ABHD12B: variants seen among roughly 807,000 people sequenced by gnomAD.
ABHD12B encodes abhydrolase domain containing 12B, also known as protein ABHD12B.
ABHD12B carries 42 observed loss-of-function variants against 50.4 expected under a neutral mutation model. The ratio of observed to expected loss-of-function variants is 0.83; its 90% CI spans 0.65 to 1.08. The LOEUF is 1.08. Among genes scored for constraint, ABHD12B ranks in the 50% least tolerant of loss-of-function variants. The pLI, the probability that ABHD12B is intolerant of heterozygous loss-of-function variation, is 0.00. For missense variants in ABHD12B, 479 were observed against 447.7 expected (o/e 1.07, Z -0.63); for synonymous variants, 167 against 160.3 (o/e 1.04, Z -0.32).
At chr14:50,873,213 T>C (rs1292131828) in intron 1 of ABHD12B, among the ~76,000 whole-genome samples, 3 of 151,482 alleles carry the variant, frequency 2.0e-5, no homozygotes, top group Admixed American at 1.3e-4. Flanking sequence ...CTTTTCTCTC[T>C]CTCTCTCTCT....
chr14:50,872,100 G>A lies in ABHD12B; in HGVS notation c.-75G>A, dbSNP rs977310543. On this transcript the variant is annotated 5_prime_UTR_variant, in exon 1 of 13. Coordinates refer to ENST00000337334, the MANE Select transcript of ABHD12B (RefSeq NM_001206673.2). The stretch of plus-strand genomic sequence containing the variant: ...AGGAGGGCGGGCGCGGTGCCGCCGG[G>A]GCGGGAAGGTCGCGGGCGGCTGCTC... 3 of 1,111,620 alleles carry A rather than the reference G, an allele frequency of 2.7e-6. No homozygotes were observed. Among genetic ancestry groups the A allele is most frequent in the Non-Finnish European group, 3.4e-6 (3 of 887,810 alleles). 68.9% of individuals were successfully genotyped at this position (1,111,620 alleles called of 1,614,324 possible).
chr14:50,886,782 C>A, intron 8 of ABHD12B, 98 bp downstream of exon 8: 2 of 1,030,962 alleles, frequency 1.9e-6, no homozygotes, highest in Non-Finnish European at 1.4e-6. Context: ...ATATAGACAC[C>A]AAAAGCATCC....
At chr14:50,896,940 A>G (rs2050207711) in intron 9 of ABHD12B, among the ~76,000 whole-genome samples, 1 of 152,130 alleles carries the variant, frequency 6.6e-6, no homozygotes, top group Non-Finnish European at 1.5e-5. Flanking sequence ...TTACTCAAAG[A>G]GGATTATTAA....
intron 9 of ABHD12B, chr14:50,891,524 T>C (rs1271578663): frequency 6.6e-6 from 1 of 152,346 alleles, no homozygotes; most frequent in Non-Finnish European, 1.5e-5. Flanking sequence ...ATTACAGGCG[T>C]GAGCCACCGC....
At chr14:50,878,609 T>C in intron 2 of ABHD12B, 136 bp from the exon 3 acceptor site, 1 of 690,920 alleles carries the variant, frequency 1.4e-6, no homozygotes, top group Non-Finnish European at 2.4e-6. Context: ...TAAAATAAAA[T>C]ACTCTGCTAG....
At chr14:50,897,200 G>A (rs150254958) in intron 9 of ABHD12B, among the ~76,000 whole-genome samples, 13 of 151,144 alleles carry the variant, frequency 8.6e-5, no homozygotes, top group African/African-American at 3.2e-4. Context: ...ACCCTCCCAA[G>A]TAGCTGGGAT....
intron 5 of ABHD12B, among the ~76,000 whole-genome samples, chr14:50,882,382 T>TTTTTTTTTTTTTTTTTTG (rs1321823420): frequency 4.5e-5 from 6 of 132,640 alleles, no homozygotes; most frequent in African/African-American, 1.5e-4. Context: ...GCTTTTTTTT[T>TTTTTTTTTTTTTTTTTTG]TTTTTTTTTT....
rs747963430 is a variant in ABHD12B at position 50,904,073 on chromosome 14, G to A, written c.943-1G>A. On this transcript the variant is annotated splice_acceptor_variant, in intron 11 of 12. Coordinates refer to ENST00000337334, the MANE Select transcript of ABHD12B (RefSeq NM_001206673.2). LOFTEE classifies it high-confidence loss of function. ...TTTGAGTCTCTTTCTGTCGCTTGCA[G>A]CTCTATGAAATTGCACGCAATGCAT... The A allele has an allele frequency of 1.7e-5, 28 of 1,610,488 alleles. No homozygotes were observed. The South Asian group carries it at 3.1e-4, about 18-fold the overall frequency.
At chr14:50,889,231 T>C (rs978758809) in intron 9 of ABHD12B, among the ~76,000 whole-genome samples, 3 of 152,252 alleles carry the variant, frequency 2.0e-5, no homozygotes, top group Admixed American at 1.3e-4. Flanking sequence ...TTGAGCCCTA[T>C]GAATGTCATT....
intron 9 of ABHD12B, chr14:50,891,354 T>C (rs1375914335): frequency 6.6e-6 from 1 of 151,778 alleles, no homozygotes; most frequent in Non-Finnish European, 1.5e-5. Flanking sequence ...GCCATTCTCC[T>C]GCCTCAGCCT....
intron 3 of ABHD12B, 75 bp downstream of exon 3, chr14:50,878,922 T>G: frequency 8.1e-7 from 1 of 1,233,640 alleles, no homozygotes; most frequent in South Asian, 1.2e-5. Flanking sequence ...AGCAGTGCTG[T>G]GTTACCTGCC....
At chr14:50,895,651 A>C (rs878877960) in intron 9 of ABHD12B, 1 of 151,702 alleles carries the variant, frequency 6.6e-6, no homozygotes, top group African/African-American at 2.4e-5. Flanking sequence ...GAAGACTGAC[A>C]CTGCCCGATC....
intron 4 of ABHD12B, 27 bp from the exon 5 acceptor site, chr14:50,881,563 CTTTTTT>C: frequency 2.8e-6 from 4 of 1,411,186 alleles, no homozygotes; most frequent in African/African-American, 1.5e-5. Context: ...CTAATTCTTG[CTTTTTT>C]TTTTTTTTTT....
chr14:50,884,818 C>G (rs186066102), intron 5 of ABHD12B, among the ~76,000 whole-genome samples: 7 of 150,886 alleles, frequency 4.6e-5, no homozygotes, highest in Admixed American at 3.3e-4. Flanking sequence ...TAGGTTCAAG[C>G]GATTCTCCTG....
At chr14:50,877,640 G>T (rs1435633752) in intron 1 of ABHD12B, among the ~76,000 whole-genome samples, 1 of 152,172 alleles carries the variant, frequency 6.6e-6, no homozygotes, top group Non-Finnish European at 1.5e-5. Context: ...AAATTTGGGG[G>T]CGGATCACCT....
chr14:50,885,895 GGTAA>G lies in ABHD12B; in HGVS notation c.662+3_662+6del. On this transcript the variant is annotated splice_donor_variant and splice_donor_region_variant and intron_variant, in intron 7 of 12. Transcript: ENST00000337334. Reference sequence around the variant, plus strand: ...CTCTGGGGCCACTCTCTGGGTACAGGGTAAGTGAGATCTGCAAATGTGTCCTTAG... The same window carrying G: ...CTCTGGGGCCACTCTCTGGGTACAGGGTGAGATCTGCAAATGTGTCCTTAG... The G allele has an allele frequency of 1.9e-6, 3 of 1,613,972 alleles. No individual in the cohort carries two copies. Among genetic ancestry groups the G allele is most frequent in the Non-Finnish European group, 2.5e-6 (3 of 1,180,010 alleles).
At chr14:50,873,925 A>G (rs892092968) in intron 1 of ABHD12B, among the ~76,000 whole-genome samples, 1 of 152,234 alleles carries the variant, frequency 6.6e-6, no homozygotes, top group Non-Finnish European at 1.5e-5. Context: ...CTCAAGAGAC[A>G]CTTCCTGAAA....
chr14:50,882,490 C>T (rs1285971588), intron 5 of ABHD12B, among the ~76,000 whole-genome samples: 3 of 146,942 alleles, frequency 2.0e-5, no homozygotes, highest in African/African-American at 7.6e-5. Context: ...CATTCTTCTG[C>T]CTCAGCCTCC....
At chr14:50,900,571 T>TG (rs1346776123) in intron 9 of ABHD12B, among the ~76,000 whole-genome samples, 1 of 152,072 alleles carries the variant, frequency 6.6e-6, no homozygotes, top group African/African-American at 2.4e-5. Flanking sequence ...GACTGGGTGG[T>TG]GGGGGCAAGG....
Sources: allele counts gnomAD v4.1 joint callset (sites outside exome capture counted in the v4.1 genomes callset), GRCh38; gene constraint gnomAD v4.1.1; transcripts MANE v1.5; gene names NCBI Gene and HGNC (gene_info 2026-07-23, HGNC 2026-07-21).